The following ANO5 variants were observed in gnomAD, a reference collection of about 807,000 sequenced individuals.
ANO5 encodes anoctamin-5.
In ANO5, 109 loss-of-function variants were observed where a neutral mutation model predicts 121.0. The observed-to-expected ratio is 0.90, with a 90% confidence interval of 0.77 to 1.06. The LOEUF is 1.06. Ranked by LOEUF, ANO5 falls within the 50% of genes least tolerant of loss-of-function variation. ANO5 has a pLI of 0.00. For synonymous variants in ANO5, 406 were observed against 359.9 expected, an observed-to-expected ratio of 1.13 and a Z score of -1.45; for missense variants, 1,064 against 1,078.5, an observed-to-expected ratio of 0.99 and a Z score of 0.19.
chr11:22,255,585 C>A, intron 13 of ANO5, 63 bp downstream of exon 13: 1 of 1,570,070 alleles, frequency 6.4e-7, no homozygotes, highest in Non-Finnish European at 8.7e-7. Context: ...TAGGTTTCTT[C>A]TCATATAATC....
chr11:22,275,203 A>G (rs1854793632), intron 20 of ANO5, among the ~76,000 whole-genome samples: 2 of 151,968 alleles, frequency 1.3e-5, no homozygotes, highest in Middle Eastern at 3.4e-3. Flanking sequence ...CTATCCTACT[A>G]AAAGGTTTTA....
intron 8 of ANO5, 102 bp downstream of exon 8, chr11:22,236,378 C>G (rs1345498237): frequency 6.7e-5 from 65 of 969,222 alleles, no homozygotes; most frequent in Non-Finnish European, 1.0e-4. Context: ...TTAGTTTTCT[C>G]TCATGGTGGG....
At chr11:22,246,926 A>G in intron 9 of ANO5, among the ~76,000 whole-genome samples, 1 of 151,740 alleles carries the variant, frequency 6.6e-6, no homozygotes, top group East Asian at 1.9e-4. Context: ...TACAATTGAC[A>G]CATTTCTTTT....
intron 12 of ANO5, among the ~76,000 whole-genome samples, chr11:22,254,946 T>C (rs1168923715): frequency 2.0e-5 from 3 of 152,064 alleles, no homozygotes; most frequent in African/African-American, 7.2e-5. Flanking sequence ...GTGCTGGGGA[T>C]TGGCTCTTAT....
At chr11:22,250,147 T>C (rs1310335980) in intron 9 of ANO5, 90 bp from the exon 10 acceptor site, 2 of 1,273,564 alleles carry the variant, frequency 1.6e-6, no homozygotes, top group Admixed American at 4.4e-5. Flanking sequence ...GGAGCCAAAA[T>C]TAGAATATAT....
rs1366101775 is a variant in ANO5 at position 22,283,155 on chromosome 11, G to T, written c.*3390G>T. 1 of 152,208 alleles carries T rather than the reference G, an allele frequency of 6.6e-6. No individual in the cohort carries two copies. Among genetic ancestry groups the T allele is most frequent in the Non-Finnish European group, 1.5e-5 (1 of 68,026 alleles). 9.4% of individuals were successfully genotyped at this position (152,208 alleles called of 1,614,324 possible). ...CTCCTCCTCAAAGGTTTGACTGGGT[G>T]TATCTCTCCTATGTGTGACATTATG... On this transcript the variant is annotated 3_prime_UTR_variant, in exon 22 of 22. Coordinates refer to ENST00000324559, the MANE Select transcript of ANO5 (RefSeq NM_213599.3).
At chr11:22,268,990 T>A (rs1590318390) in intron 17 of ANO5, among the ~76,000 whole-genome samples, 1 of 149,270 alleles carries the variant, frequency 6.7e-6, no homozygotes, top group South Asian at 2.1e-4. Context: ...AGTGGCAGAG[T>A]GAGACCCTGT....
At chr11:22,215,985 T>A (rs1244239726) in intron 3 of ANO5, among the ~76,000 whole-genome samples, 1 of 151,910 alleles carries the variant, frequency 6.6e-6, no homozygotes, top group Non-Finnish European at 1.5e-5. Flanking sequence ...ATAAATTCAT[T>A]CTTTCTGAAT....
At chr11:22,275,376 C>T (rs1161150866) in intron 20 of ANO5, among the ~76,000 whole-genome samples, 1 of 151,642 alleles carries the variant, frequency 6.6e-6, no homozygotes. Flanking sequence ...TCATTTGAGA[C>T]TCCAAACAAA....
chr11:22,248,272 A>T (rs963497284), intron 9 of ANO5, among the ~76,000 whole-genome samples: 5 of 152,062 alleles, frequency 3.3e-5, no homozygotes, highest in African/African-American at 1.2e-4. Context: ...AGATCAGTTG[A>T]AAGTCTAATA....
chr11:22,251,139 G>A (rs1360391412), intron 12 of ANO5, 128 bp downstream of exon 12: 2 of 967,166 alleles, frequency 2.1e-6, no homozygotes, highest in African/African-American at 3.2e-5. Context: ...GTCTTTGTTA[G>A]CATTAATATA....
rs1386546512 is a variant in ANO5, at chr11:22,282,448, C to T, written c.*2683C>T. The T allele has an allele frequency of 6.6e-6, 1 of 152,092 alleles. No individual in the cohort carries two copies. Among genetic ancestry groups the T allele is most frequent in the Non-Finnish European group, 1.5e-5 (1 of 68,002 alleles). The allele number at this position is 152,092 out of a possible 1,614,324, so 9.4% of individuals were successfully genotyped here. ...GACACCTCTTAGCTTTAACATTCTT[C>T]TTTTAACCAAGCCATTATGCAAAGT... On this transcript the variant is annotated 3_prime_UTR_variant, in exon 22 of 22. Coordinates refer to ENST00000324559, the MANE Select transcript of ANO5 (RefSeq NM_213599.3).
intron 2 of ANO5, among the ~76,000 whole-genome samples, chr11:22,209,323 CATT>C (rs1379430803): frequency 6.6e-6 from 1 of 151,780 alleles, no homozygotes. Context: ...AAGTAACAAA[CATT>C]AATTTTAAAA....
intron 13 of ANO5, among the ~76,000 whole-genome samples, chr11:22,257,114 T>G (rs572409471): frequency 5.9e-5 from 9 of 152,178 alleles, no homozygotes; most frequent in South Asian, 4.1e-4. Context: ...TTTTTACTAT[T>G]TTTTGCTTCT....
intron 12 of ANO5, among the ~76,000 whole-genome samples, chr11:22,251,427 T>C (rs1337967891): frequency 2.0e-5 from 3 of 152,198 alleles, no homozygotes; most frequent in Non-Finnish European, 2.9e-5. Flanking sequence ...ATAAATTGTC[T>C]AGTTACAGTT....
chr11:22,254,673 T>G (rs1397629671), intron 12 of ANO5, among the ~76,000 whole-genome samples: 3 of 152,188 alleles, frequency 2.0e-5, no homozygotes, highest in African/African-American at 7.2e-5. Flanking sequence ...TTTTTTATAT[T>G]GGTGCTGGTT....
In ANO5 at chr11:22,276,870, C is replaced by T. The variant is rs143464560; in HGVS notation, c.2520+671C>T. Among the ~76,000 whole-genome samples the T allele has an allele frequency of 2.9e-3, 443 of 150,808 alleles. 5 individuals carry two copies. Among genetic ancestry groups the T allele is most frequent in the African/African-American group, 0.011 (433 of 41,124 alleles). On this transcript the variant is annotated intron_variant, in intron 21 of 21. Transcript: ENST00000324559. The stretch of plus-strand genomic sequence containing the variant: ...TACTTTTTCACCCTGGAATAAAGCC[C>T]GATAAAAGACAATCCTAACCCAAGA...
At chr11:22,213,460 G>A (rs1363306436) in intron 3 of ANO5, among the ~76,000 whole-genome samples, 2 of 151,444 alleles carry the variant, frequency 1.3e-5, no homozygotes, top group African/African-American at 4.9e-5. Context: ...TTTATGATTA[G>A]ACTTGGATTA....
rs1023464405 is a variant in ANO5 at position 22,193,118 on chromosome 11, C to T, written c.-375C>T. On this transcript the variant is annotated 5_prime_UTR_variant, in exon 1 of 22. Transcript: ENST00000324559. ...TCCTGGCGAGCACCGGGAGGAGTGGCGGCTGCGGGATCAGCTGCCGAGCAG... is the reference window on the plus strand; with the variant it reads ...TCCTGGCGAGCACCGGGAGGAGTGGTGGCTGCGGGATCAGCTGCCGAGCAG... The T allele has an allele frequency of 4.6e-6, 5 of 1,098,666 alleles. No homozygotes were observed. The highest frequency in any genetic ancestry group is 7.2e-5 in the East Asian group (1 of 13,892). 68.1% of individuals were successfully genotyped at this position (1,098,666 alleles called of 1,614,324 possible).
Sources: allele counts gnomAD v4.1 joint callset (sites outside exome capture counted in the v4.1 genomes callset), GRCh38; gene constraint gnomAD v4.1.1; transcripts MANE v1.5; gene names NCBI Gene and HGNC (gene_info 2026-07-23, HGNC 2026-07-21).